NDUFAF6: variants seen among roughly 807,000 people sequenced by gnomAD.
The protein encoded by NDUFAF6 is NADH dehydrogenase (ubiquinone) complex I, assembly factor 6.
Under a neutral mutation model 40.8 loss-of-function variants are expected in NDUFAF6, and 45 were observed. That is an observed-to-expected ratio of 1.10 (90% CI 0.87 to 1.42). The LOEUF (loss-of-function observed/expected upper bound fraction) is 1.42. Among genes scored for constraint, NDUFAF6 ranks in the 40% most tolerant of loss-of-function variants. The pLI, the probability that NDUFAF6 is intolerant of heterozygous loss-of-function variation, is 0.00. For synonymous variants in NDUFAF6, 185 were observed against 155.9 expected (o/e 1.19, Z -1.39); for missense variants, 435 against 418.5 (o/e 1.04, Z -0.34).
At chr8:94,982,291 T>C (rs544117896) in intron 2 of NDUFAF6, among the ~76,000 whole-genome samples, 1 of 152,274 alleles carries the variant, frequency 6.6e-6, no homozygotes, top group East Asian at 1.9e-4. Flanking sequence ...ACAAATACTA[T>C]TGTGTCACAA....
chr8:95,040,969 A>G (rs1253905058), intron 3 of NDUFAF6: 1 of 152,396 alleles, frequency 6.6e-6, no homozygotes, highest in Non-Finnish European at 1.5e-5. Flanking sequence ...TGCTAAGGTA[A>G]CAATTTACCA....
intron 1 of NDUFAF6, among the ~76,000 whole-genome samples, chr8:94,907,434 G>A (rs531629790): frequency 6.6e-6 from 1 of 152,184 alleles, no homozygotes; most frequent in Non-Finnish European, 1.5e-5. Context: ...GTGAGACACA[G>A]ATAGATTCAA....
intron 1 of NDUFAF6, among the ~76,000 whole-genome samples, chr8:94,973,105 T>C (rs1824610572): frequency 6.6e-6 from 1 of 152,060 alleles, no homozygotes; most frequent in Non-Finnish European, 1.5e-5. Context: ...AATACTCATT[T>C]CTTAAGAGAA....
chr8:95,025,008 C>A lies in NDUFAF6; in HGVS notation c.-1C>A. 2 of 1,343,624 alleles carry A rather than the reference C, an allele frequency of 1.5e-6. No homozygotes were observed. Among genetic ancestry groups the A allele is most frequent in the East Asian group, 3.0e-5 (1 of 33,096 alleles). The allele number at this position is 1,343,624 out of a possible 1,614,324, so 83.2% of individuals were successfully genotyped here. On this transcript the variant is annotated 5_prime_UTR_variant, in exon 1 of 9. Coordinates refer to ENST00000396124, the MANE Select transcript of NDUFAF6 (RefSeq NM_152416.4). ...GTCGAAGGGCACGCAGTGCCGGCGT[C>A]ATGGCGGCCTCCGCGCACGGCTCTG...
chr8:94,933,505 C>T (rs1258926880), intron 1 of NDUFAF6, among the ~76,000 whole-genome samples: 1 of 152,046 alleles, frequency 6.6e-6, no homozygotes, highest in Non-Finnish European at 1.5e-5. Flanking sequence ...TGGCTCATAC[C>T]TGTAATCCCA....
chr8:95,002,278 C>A (rs932395297), intron 2 of NDUFAF6, among the ~76,000 whole-genome samples: 1 of 152,110 alleles, frequency 6.6e-6, no homozygotes, highest in African/African-American at 2.4e-5. Flanking sequence ...TTTCTTTCTT[C>A]TCTATTATTC....
Position 94,931,587 on chromosome 8 carries a change from T to TACACACACACAC in NDUFAF6, c.-935-13884_-935-13873dup, listed in dbSNP as rs557721378. On this transcript the variant is annotated intron_variant, in intron 1 of 14. Coordinates refer to the NDUFAF6 transcript ENST00000396113. ...CACTTGAGGAAACACACATATTTAT[T>TACACACACACAC]ACACACACACACACACACACACATA... Among the ~76,000 whole-genome samples the TACACACACACAC allele has an allele frequency of 5.1e-3, 350 of 68,628 alleles. 3 individuals are homozygous for TACACACACACAC. The highest frequency in any genetic ancestry group is 0.011 in the African/African-American group (338 of 29,704). The allele number at this position is 68,628 out of a possible 152,430, so 45.0% of individuals were successfully genotyped here. A position where few individuals can be genotyped will look rare whatever the true frequency, so the allele number is the denominator to read the frequency against.
At chr8:95,078,248 GAGTGTGGAGAACTT>G (rs1443953813), downstream of NDUFAF6, among the ~76,000 whole-genome samples, 3 of 152,148 alleles carry the variant, frequency 2.0e-5, no homozygotes, top group South Asian at 2.1e-4. Flanking sequence ...TGCATGCATT[GAGTGTGGAGAACTT>G]AGTGTGGAGA....
intron 2 of NDUFAF6, among the ~76,000 whole-genome samples, chr8:95,004,223 C>T (rs1009913363): frequency 2.0e-5 from 3 of 152,062 alleles, no homozygotes; most frequent in Admixed American, 2.0e-4. Context: ...TGCCTCCCTT[C>T]ATGACTATAG....
chr8:95,022,715 C>CA (rs1450561812), upstream of NDUFAF6, among the ~76,000 whole-genome samples: 17 of 151,900 alleles, frequency 1.1e-4, no homozygotes, highest in Non-Finnish European at 2.2e-4. Context: ...TTAAAGACTG[C>CA]AAAATCCAGA....
intron 3 of NDUFAF6, among the ~76,000 whole-genome samples, chr8:95,039,462 AAG>A (rs1491304141): frequency 0.01 from 1,488 of 148,410 alleles, 27 homozygotes; most frequent in African/African-American, 0.036. Flanking sequence ...AAAAAAAAAA[AAG>A]GGGGGGTTTC....
At chr8:95,019,594 A>G (rs1827607154) in intron 2 of NDUFAF6, among the ~76,000 whole-genome samples, 1 of 152,236 alleles carries the variant, frequency 6.6e-6, no homozygotes, top group Non-Finnish European at 1.5e-5. Flanking sequence ...AAGAAATGAC[A>G]GCTTTGGTAT....
chr8:95,007,659 GTTTTTTTTTTTT>G (rs553474402), intron 2 of NDUFAF6, among the ~76,000 whole-genome samples: 22 of 103,818 alleles, frequency 2.1e-4, no homozygotes, highest in African/African-American at 7.1e-4. Context: ...GTGAGGCTCT[GTTTTTTTTTTTT>G]TTTTTTTTTT....
chr8:94,932,408 A>T (rs2253173), intron 1 of NDUFAF6, among the ~76,000 whole-genome samples: 115,268 of 152,162 alleles, frequency 0.76, 45,782 homozygotes, highest in East Asian at 0.89. Context: ...TGAAAGACAT[A>T]TGATTCATTT....
intron 2 of NDUFAF6, among the ~76,000 whole-genome samples, chr8:94,993,829 A>G (rs746676523): frequency 2.6e-5 from 4 of 152,214 alleles, no homozygotes; most frequent in Non-Finnish European, 4.4e-5. Context: ...ATAAATCACT[A>G]TTTTTACACA....
intron 1 of NDUFAF6, chr8:94,975,363 C>T (rs1037627977): frequency 2.6e-5 from 4 of 152,262 alleles, no homozygotes; most frequent in African/African-American, 9.6e-5. Context: ...GAGATGTCTA[C>T]TGAACTGCTC....
chr8:95,088,689 T>TTGTGTGTGTGTG lies in NDUFAF6; in HGVS notation n.214-12415_214-12404dup, dbSNP rs545260109. On this transcript the variant is annotated intron_variant and non_coding_transcript_variant, in intron 2 of 5. Transcript: ENST00000523184. ...TCAGCCAAGTCACTTTTTTGGGGTT[T>TTGTGTGTGTGTG]TGTGTGTGTGTGTGTGTGTGTGTGT... 9.6e-4 allele frequency among the ~76,000 whole-genome samples: 137 copies of TTGTGTGTGTGTG among 142,366 alleles called. 1 individual carries two copies. The highest frequency in any genetic ancestry group is 3.2e-3 in the African/African-American group (119 of 36,896). 93.4% of individuals were successfully genotyped at this position (142,366 alleles called of 152,430 possible).
At chr8:95,039,658 C>T (rs909573795) in intron 3 of NDUFAF6, among the ~76,000 whole-genome samples, 10 of 151,674 alleles carry the variant, frequency 6.6e-5, no homozygotes, top group African/African-American at 9.7e-5. Flanking sequence ...GATAGGATCT[C>T]GCTGTGTTGC....
upstream of NDUFAF6, among the ~76,000 whole-genome samples, chr8:94,954,285 T>G (rs1339620612): frequency 6.6e-6 from 1 of 151,958 alleles, no homozygotes; most frequent in African/African-American, 2.4e-5. Context: ...ATGGTCTTGA[T>G]CTCTTGACCT....
Sources: gnomAD v4.1 joint callset for allele counts (sites outside exome capture counted in the v4.1 genomes callset) on GRCh38, gnomAD v4.1.1 for gene constraint, MANE v1.5 for transcripts, NCBI Gene and HGNC (gene_info 2026-07-23, HGNC 2026-07-21) for gene names.